Variants in CDH13 observed in about 807,000 individuals in gnomAD.
CDH13 encodes cadherin-13.
A neutral mutation model predicts 63.8 loss-of-function variants in CDH13; 24 were observed. That is an observed-to-expected ratio of 0.38 (90% CI 0.27 to 0.53). CDH13 has a LOEUF of 0.53. Ranked by LOEUF, CDH13 falls within the 20% of genes least tolerant of loss-of-function variation. The pLI, the probability that CDH13 is intolerant of heterozygous loss-of-function variation, is 0.85. For synonymous variants in CDH13, 503 were observed against 355.3 expected (o/e 1.42, Z -4.67); for missense variants, 1,049 against 903.1 (o/e 1.16, Z -2.07).
intron 7 of CDH13, among the ~76,000 whole-genome samples, chr16:83,526,417 C>G (rs185241035): frequency 4.4e-4 from 67 of 152,264 alleles, no homozygotes; most frequent in Non-Finnish European, 7.2e-4. Flanking sequence ...AACTGTTCCA[C>G]CTAAGACCAT....
intron 4 of CDH13, among the ~76,000 whole-genome samples, chr16:83,129,998 C>T (rs996329836): frequency 5.3e-5 from 8 of 152,170 alleles, no homozygotes; most frequent in African/African-American, 1.9e-4. Context: ...TCCTGCATCC[C>T]AGGAGGGAAA....
At chr16:82,991,483 C>T (rs941333846) in intron 2 of CDH13, among the ~76,000 whole-genome samples, 1 of 151,992 alleles carries the variant, frequency 6.6e-6, no homozygotes, top group Non-Finnish European at 1.5e-5. Context: ...ACTGCAAGGC[C>T]CTTGTTCAGT....
At chr16:82,830,458 G>A (rs2038485127) in intron 1 of CDH13, among the ~76,000 whole-genome samples, 1 of 152,186 alleles carries the variant, frequency 6.6e-6, no homozygotes, top group African/African-American at 2.4e-5. Context: ...TATAGTGCCT[G>A]GCACAATGAC....
At chr16:83,452,521 C>T (rs1598053960) in intron 6 of CDH13, among the ~76,000 whole-genome samples, 2 of 151,946 alleles carry the variant, frequency 1.3e-5, no homozygotes, top group East Asian at 1.9e-4. Flanking sequence ...CTCACTTTCT[C>T]GGTTCGTTTT....
intron 7 of CDH13, among the ~76,000 whole-genome samples, chr16:83,546,801 T>C (rs2075394671): frequency 6.6e-6 from 1 of 152,202 alleles, no homozygotes; most frequent in South Asian, 2.1e-4. Flanking sequence ...TGATGTCAGT[T>C]GGTGCCACTA....
Position 83,459,836 on chromosome 16 carries a change from G to A in CDH13, c.782-26641G>A, listed in dbSNP as rs1343097837. Among the ~76,000 whole-genome samples, 3 of 152,222 alleles carry A rather than the reference G, an allele frequency of 2.0e-5. No individual in the cohort carries two copies. The South Asian group carries it at 6.2e-4, about 32-fold the overall frequency. On this transcript the variant is annotated intron_variant, in intron 6 of 13. Coordinates refer to ENST00000567109, the MANE Select transcript of CDH13 (RefSeq NM_001257.5). ...ACAAAAAGTGTAGAATGGAGTATGA[G>A]CATTGTAGTTTTCAATAGTGTTACT... is the stretch of plus-strand genomic sequence containing the variant.
intron 5 of CDH13, among the ~76,000 whole-genome samples, chr16:83,286,426 TAC>T (rs2089314479): frequency 6.6e-6 from 1 of 152,196 alleles, no homozygotes; most frequent in Non-Finnish European, 1.5e-5. Flanking sequence ...GAGGCAGCTT[TAC>T]AGATGTACAA....
At chr16:82,944,734 A>C (rs1904503105) in intron 2 of CDH13, among the ~76,000 whole-genome samples, 1 of 152,162 alleles carries the variant, frequency 6.6e-6, no homozygotes, top group Non-Finnish European at 1.5e-5. Flanking sequence ...ATATTTCTTC[A>C]TAGGCCCTTG....
At chr16:82,767,388 A>G (rs980616361) in intron 1 of CDH13, among the ~76,000 whole-genome samples, 1 of 152,226 alleles carries the variant, frequency 6.6e-6, no homozygotes, top group Non-Finnish European at 1.5e-5. Context: ...TATAAATAGA[A>G]TCATGCAGCA....
intron 7 of CDH13, among the ~76,000 whole-genome samples, chr16:83,531,674 C>T (rs910225329): frequency 6.6e-6 from 1 of 152,136 alleles, no homozygotes; most frequent in African/African-American, 2.4e-5. Flanking sequence ...AGGGAGGAGG[C>T]AATGTGATGT....
chr16:82,639,976 G>A (rs1217999851), intron 1 of CDH13, among the ~76,000 whole-genome samples: 1 of 152,238 alleles, frequency 6.6e-6, no homozygotes, highest in African/African-American at 2.4e-5. Flanking sequence ...TTTACTGGGG[G>A]AAGACAATAT....
In CDH13 at chr16:82,724,754, G is replaced by T. The variant is rs564142311; in HGVS notation, c.45+97617G>T. Among the ~76,000 whole-genome samples the T allele has an allele frequency of 2.0e-5, 3 of 152,270 alleles. No homozygotes were observed. The South Asian group carries it at 6.2e-4, about 32-fold the overall frequency. ...ACAGGGCCCTGTGAGAGACTGGAAG[G>T]CACCCAGATGATCCAAGGTGATGGC... On this transcript the variant is annotated intron_variant, in intron 1 of 13. Coordinates refer to ENST00000567109, the MANE Select transcript of CDH13 (RefSeq NM_001257.5).
chr16:83,449,479 G>T (rs952342153), intron 6 of CDH13, among the ~76,000 whole-genome samples: 4 of 152,154 alleles, frequency 2.6e-5, no homozygotes, highest in African/African-American at 2.4e-5. Context: ...GTGACTTTTT[G>T]AAATTTCTGG....
intron 1 of CDH13, among the ~76,000 whole-genome samples, chr16:82,737,213 TCTGA>T (rs1171598740): frequency 6.6e-6 from 1 of 152,178 alleles, no homozygotes; most frequent in Non-Finnish European, 1.5e-5. Flanking sequence ...TCAAACTCAT[TCTGA>T]CTAATTTTAT....
At chr16:83,140,774 C>CATAG (rs2036496924) in intron 4 of CDH13, among the ~76,000 whole-genome samples, 1 of 152,174 alleles carries the variant, frequency 6.6e-6, no homozygotes, top group Non-Finnish European at 1.5e-5. Context: ...TATCTTAAGG[C>CATAG]ATAGAGCATG....
chr16:82,939,577 T>C (rs1056707987), intron 2 of CDH13, among the ~76,000 whole-genome samples: 5 of 152,274 alleles, frequency 3.3e-5, no homozygotes, highest in African/African-American at 1.2e-4. Flanking sequence ...AGTACACTCT[T>C]TCAAGTATGG....
intron 6 of CDH13, among the ~76,000 whole-genome samples, chr16:83,373,194 A>G: frequency 6.6e-6 from 1 of 152,218 alleles, no homozygotes; most frequent in Admixed American, 6.5e-5. Flanking sequence ...AATAGGAAGC[A>G]GACGGCATGC....
chr16:83,364,209 A>G (rs1430391271), intron 6 of CDH13, among the ~76,000 whole-genome samples: 1 of 152,162 alleles, frequency 6.6e-6, no homozygotes. Flanking sequence ...CTTAAGATAG[A>G]CATAATAAGT....
At chr16:82,684,320 G>T (rs1296172160) in intron 1 of CDH13, among the ~76,000 whole-genome samples, 1 of 152,160 alleles carries the variant, frequency 6.6e-6, no homozygotes, top group Non-Finnish European at 1.5e-5. Context: ...GGGCCCCTAT[G>T]AATGTCTCTG....
Sources: allele counts gnomAD v4.1 joint callset (sites outside exome capture counted in the v4.1 genomes callset), GRCh38; gene constraint gnomAD v4.1.1; transcripts MANE v1.5; gene names NCBI Gene and HGNC (gene_info 2026-07-23, HGNC 2026-07-21).